The following ABCC6 variants were observed in gnomAD, a reference collection of about 807,000 sequenced individuals.
ABCC6 encodes the protein ATP binding cassette subfamily C member 6.
ABCC6 carries 126 observed loss-of-function variants against 169.5 expected under a neutral mutation model. That is an observed-to-expected ratio of 0.74 (90% CI 0.64 to 0.86). ABCC6 has a LOEUF of 0.86. Ranked by LOEUF, ABCC6 falls within the 40% of genes least tolerant of loss-of-function variation. ABCC6 has a pLI of 0.00. For missense variants in ABCC6, 1,733 were observed against 1,927.2 expected (o/e 0.90, Z 1.89); for synonymous variants, 752 against 814.7 (o/e 0.92, Z 1.31).
At chr16:16,220,086 A>T in intron 2 of ABCC6, 139 bp from the exon 3 acceptor site, 1 of 730,892 alleles carries the variant, frequency 1.4e-6, no homozygotes, top group Non-Finnish European at 2.4e-6. Flanking sequence ...CCAGCTAGCA[A>T]CGTGCCAATG....
At chr16:16,185,089 A>G (rs2047606296) in intron 14 of ABCC6, 55 bp from the exon 15 acceptor site, 1 of 1,520,628 alleles carries the variant, frequency 6.6e-7, no homozygotes, top group Non-Finnish European at 9.1e-7. Context: ...CGGCCTCTGC[A>G]TCGGAGAGGC....
intron 20 of ABCC6, 86 bp from the exon 21 acceptor site, chr16:16,173,490 C>T: frequency 6.5e-7 from 1 of 1,532,930 alleles, no homozygotes; most frequent in South Asian, 1.1e-5. Flanking sequence ...CACTGACAGC[C>T]ACTGAGCTCT....
At chr16:16,177,372 T>G (rs2047309727) in intron 19 of ABCC6, 80 bp downstream of exon 19, 5 of 1,541,820 alleles carry the variant, frequency 3.2e-6, no homozygotes, top group Non-Finnish European at 4.5e-6. Context: ...ACTCCATTCA[T>G]GCCAGTAGGA....
chr16:16,150,042 G>C lies in ABCC6; in HGVS notation c.*91C>G. On this transcript the variant is annotated 3_prime_UTR_variant, in exon 31 of 31. Transcript: ENST00000205557. ...AACACAGGTCTAGACTCAATATCGT[G>C]TGGAGCTATCGATGACCACGGGTCA... The C allele has an allele frequency of 6.5e-7, 1 of 1,544,906 alleles. No individual in the cohort carries two copies. The highest frequency in any genetic ancestry group is 1.2e-5 in the South Asian group (1 of 85,862).
Position 16,202,120 on chromosome 16 carries a change from C to T in ABCC6, c.1057G>A (p.Ala353Thr), listed in dbSNP as rs774051128. Reference protein sequence around the residue: ...KPPAWKGYLLAVLMFLSACLQ... With the variant: ...KPPAWKGYLLTVLMFLSACLQ... ...CAGGCTGAGAGGAACATCAGCACGGCGAGGAGGTAGCCCTTCCAGGCTGGA... is the reference window on the plus strand; with the variant it reads ...CAGGCTGAGAGGAACATCAGCACGGTGAGGAGGTAGCCCTTCCAGGCTGGA... Residue 353 changes from alanine (A) to threonine (T), a missense_variant, in exon 9 of 31, where the codon GCC becomes ACC. By Grantham distance (58) the Ala-to-Thr change is moderately conservative. This residue lies in a region of ABCC6 where 1,601 missense variants were observed against 1,635.5 expected (regional missense o/e 0.98). Transcript: ENST00000205557. 60 of 1,613,730 alleles carry T rather than the reference C, an allele frequency of 3.7e-5. No homozygotes were observed. The highest frequency in any genetic ancestry group is 5.3e-5 in the African/African-American group (4 of 74,854).
intron 7 of ABCC6, 84 bp downstream of exon 7, chr16:16,208,644 T>TA: frequency 6.8e-6 from 11 of 1,609,124 alleles, no homozygotes; most frequent in Non-Finnish European, 9.3e-6. Flanking sequence ...AATGCCGGGA[T>TA]TACAGTCGTG....
intron 27 of ABCC6, among the ~76,000 whole-genome samples, chr16:16,156,788 C>A (rs1223963778): frequency 6.6e-6 from 1 of 151,578 alleles, no homozygotes. Context: ...ACTAAAAATA[C>A]AAAAATTAGC....
In ABCC6 at chr16:16,150,155, G is replaced by A. The variant is rs1367035787; in HGVS notation, c.4490C>T (p.Ala1497Val). 1.5e-5 allele frequency: 24 copies of A among 1,612,786 alleles called. No individual in the cohort carries two copies. The highest frequency in any genetic ancestry group is 1.9e-5 in the Non-Finnish European group (23 of 1,180,028). Residue 1497 changes from alanine to valine, a missense_variant, in exon 31 of 31, where the codon GCC becomes GTC. Ala to Val is a moderately conservative substitution (Grantham distance 64). Transcript: ENST00000205557. ...LAQKGLFYRLAQESGLV is the reference protein window; with the variant it reads ...LAQKGLFYRLVQESGLV ...GGCTCAGACCAGGCCTGACTCCTGG[G>A]CCAGTCTGTAAAACAGGCCCTTCTG...
chr16:16,164,893 T>A (rs1823699965), intron 23 of ABCC6, among the ~76,000 whole-genome samples: 1 of 152,190 alleles, frequency 6.6e-6, no homozygotes, highest in African/African-American at 2.4e-5. Context: ...CACTGTGTCC[T>A]GATGACAACT....
At chr16:16,160,108 A>G (rs1050278904) in intron 25 of ABCC6, among the ~76,000 whole-genome samples, 16 of 151,868 alleles carry the variant, frequency 1.1e-4, no homozygotes, top group Non-Finnish European at 2.9e-5. Flanking sequence ...CTGTTCCTCT[A>G]ACACACCAGG....
intron 11 of ABCC6, among the ~76,000 whole-genome samples, chr16:16,190,952 C>G (rs2239321): frequency 0.85 from 106,410 of 125,722 alleles, 47,576 homozygotes; most frequent in Non-Finnish European, 0.98. Context: ...GGCGGGGGCA[C>G]CTAAAACCCA....
intron 15 of ABCC6, chr16:16,184,126 A>T (rs1470401013): frequency 6.1e-6 from 1 of 164,878 alleles, no homozygotes; most frequent in Non-Finnish European, 1.3e-5. Context: ...TTGAATCCGG[A>T]AGGTGGAGGT....
At chr16:16,200,712 C>T (rs1200653031) in intron 9 of ABCC6, among the ~76,000 whole-genome samples, 7 of 151,434 alleles carry the variant, frequency 4.6e-5, no homozygotes, top group Middle Eastern at 3.2e-3. Context: ...CCCTCTGTCC[C>T]CTCCTCCCCT....
intron 4 of ABCC6, among the ~76,000 whole-genome samples, chr16:16,214,878 G>A (rs1228637978): frequency 2.6e-5 from 4 of 152,116 alleles, no homozygotes; most frequent in Admixed American, 6.6e-5. Flanking sequence ...CCAAAGTGTT[G>A]GGATTACAGG....
chr16:16,155,006 GC>G lies in ABCC6; in HGVS notation c.3907del (p.Ala1303GlnfsTer56). 6.4e-7 allele frequency: 1 copy of G among 1,563,266 alleles called. No homozygotes were observed. Among genetic ancestry groups the G allele is most frequent in the Non-Finnish European group, 8.7e-7 (1 of 1,154,394 alleles). On this transcript the variant is annotated frameshift_variant, in exon 28 of 31. Coordinates refer to ENST00000205557, the MANE Select transcript of ABCC6 (RefSeq NM_001171.6). LOFTEE classifies it high-confidence loss of function. ...EKVGIVGRTG[A>X]GKSSLASGLL... ...CCCACTGGCCAGGGAGGACTTCCCT[GC>G]CCCGGTCCTGCCAACGATGCCCACC...
intron 9 of ABCC6, among the ~76,000 whole-genome samples, chr16:16,201,771 T>C (rs964457096): frequency 4.6e-5 from 7 of 152,138 alleles, no homozygotes; most frequent in Non-Finnish European, 7.3e-5. Flanking sequence ...GAGGTTGCAG[T>C]GAGCCGAGAT....
intron 19 of ABCC6, among the ~76,000 whole-genome samples, chr16:16,176,210 A>G (rs373669798): frequency 6.6e-6 from 1 of 152,142 alleles, no homozygotes; most frequent in Admixed American, 6.6e-5. Context: ...CTGAGCACCT[A>G]CTATGAACTT....
intron 11 of ABCC6, among the ~76,000 whole-genome samples, 164 bp downstream of exon 11, chr16:16,192,666 A>T (rs1169289516): frequency 6.6e-6 from 1 of 151,786 alleles, no homozygotes; most frequent in Non-Finnish European, 1.5e-5. Flanking sequence ...TTGAGAGGAT[A>T]GGGGGAGGGG....
At chr16:16,172,281 G>T in intron 21 of ABCC6, among the ~76,000 whole-genome samples, 1 of 121,810 alleles carries the variant, frequency 8.2e-6, no homozygotes. Flanking sequence ...ATGAGTGGGT[G>T]GGATGCATAA....
Sources: allele counts gnomAD v4.1 joint callset (sites outside exome capture counted in the v4.1 genomes callset), GRCh38; gene constraint gnomAD v4.1.1; regional missense constraint gnomAD v4.1.1; transcripts MANE v1.5; gene names NCBI Gene and HGNC (gene_info 2026-07-23, HGNC 2026-07-21).